The following GATA4 variants were observed in gnomAD, a reference collection of about 807,000 sequenced individuals.
The protein encoded by GATA4 is GATA binding protein 4, also known as transcription factor GATA-4.
A neutral mutation model predicts 37.9 loss-of-function variants in GATA4; 7 were observed. The observed-to-expected ratio is 0.18, with a 90% CI of 0.11 to 0.35. The LOEUF is 0.35. Ranked by LOEUF, GATA4 falls within the 10% of genes least tolerant of loss-of-function variation. The pLI, the probability that GATA4 is intolerant of heterozygous loss-of-function variation, is 1.00. For synonymous variants in GATA4, 372 were observed against 292.6 expected, an observed-to-expected ratio of 1.27 and a Z score of -2.77; for missense variants, 647 against 653.0, an observed-to-expected ratio of 0.99 and a Z score of 0.10.
chr8:11,758,466 C>T lies in GATA4; in HGVS notation c.1323C>T (p.Ile441=). The part of the protein sequence containing the change: ...LVLADSHGDI[I]TA ...TGGCCGACAGTCACGGGGACATAAT[C>T]ACTGCGTAATCTTCCCTCTTCCCTC... The change falls in exon 7 of 7, where the codon ATC becomes ATT. Residue 441 remains isoleucine (I), a synonymous_variant. Transcript: ENST00000532059. The T allele has an allele frequency of 1.9e-6, 3 of 1,614,196 alleles. No homozygotes were observed. The highest frequency in any genetic ancestry group is 1.7e-6 in the Non-Finnish European group (2 of 1,180,022).
At chr8:11,689,680 C>A (rs1025347045), upstream of GATA4, among the ~76,000 whole-genome samples, 8 of 152,174 alleles carry the variant, frequency 5.3e-5, no homozygotes, top group African/African-American at 1.9e-4. Context: ...CATCCTCAAG[C>A]CCTCACCCAC....
In GATA4 at chr8:11,707,963, C is replaced by T. The variant is rs1166002687; in HGVS notation, c.-350C>T. 5.8e-6 allele frequency: 2 copies of T among 346,004 alleles called. No individual in the cohort carries two copies. The highest frequency in any genetic ancestry group is 2.3e-5 in the South Asian group (1 of 42,750). The allele number at this position is 346,004 out of a possible 1,614,324, so 21.4% of individuals were successfully genotyped here. ...GTGACGAGTGGGGGACCCGAAGGCTCGTGCGCCACCTCCAGGCCTGGACGC... is the reference window on the plus strand; with the variant it reads ...GTGACGAGTGGGGGACCCGAAGGCTTGTGCGCCACCTCCAGGCCTGGACGC... On this transcript the variant is annotated 5_prime_UTR_variant, in exon 2 of 7. Transcript: ENST00000532059. This position sits in a 1 kb window ranked among gnomAD's most constrained non-coding sequence, Gnocchi z 4.7.
chr8:11,755,248 G>A, intron 5 of GATA4, 115 bp downstream of exon 5: 3 of 774,402 alleles, frequency 3.9e-6, no homozygotes, highest in Non-Finnish European at 6.7e-6. Context: ...GGTGGTGACA[G>A]CATCGGACAT....
At chr8:11,745,210 G>A (rs1321217641) in intron 2 of GATA4, among the ~76,000 whole-genome samples, 1 of 152,170 alleles carries the variant, frequency 6.6e-6, no homozygotes, top group Non-Finnish European at 1.5e-5. Context: ...TCTCAAGGCA[G>A]CCAGAGGTGA....
Position 11,698,093 on chromosome 8 carries a change from C to T in GATA4, c.-728-2415C>T, listed in dbSNP as rs549847975. 2.8e-4 allele frequency: 232 copies of T among 823,500 alleles called. 3 individuals carry two copies. The East Asian group carries it at 0.012, about 43-fold the overall frequency. 51.0% of individuals were successfully genotyped at this position (823,500 alleles called of 1,614,324 possible). A position where few individuals can be genotyped will look rare whatever the true frequency, so the allele number is the denominator to read the frequency against. On this transcript the variant is annotated intron_variant, in intron 1 of 2. Transcript: ENST00000526974. ...CCAGGCCCGGCCGCTTTCTGGCGTC[C>T]GTCCTCTCCCAGGAGGTCCTGGCCT...
intron 1 of GATA4, chr8:11,681,507 G>GCT: frequency 1.1e-6 from 1 of 944,330 alleles, no homozygotes; most frequent in African/African-American, 2.3e-5. Flanking sequence ...GGGGGGGGGG[G>GCT]GATGGGGTCG....
intron 4 of GATA4, among the ~76,000 whole-genome samples, chr8:11,754,759 T>C (rs963520764): frequency 2.0e-5 from 3 of 152,250 alleles, no homozygotes; most frequent in Admixed American, 2.0e-4. Context: ...TGGTTATTTC[T>C]CCTTGTCTGT....
In GATA4 at chr8:11,748,925, T is replaced by C. The variant is rs1255379844; in HGVS notation, c.626T>C (p.Phe209Ser). The C allele has an allele frequency of 1.2e-6, 2 of 1,614,150 alleles. No homozygotes were observed. Among genetic ancestry groups the C allele is most frequent in the Non-Finnish European group, 1.7e-6 (2 of 1,180,052 alleles). ...GTTCCCCCCAACTCAGTAGATATGT[T>C]TGACGACTTCTCAGAAGGCAGAGAG... ...AARHPNLVDMFDDFSEGRECV... is the reference protein window; with the variant it reads ...AARHPNLVDMSDDFSEGRECV... Residue 209 changes from phenylalanine (F) to serine (S), a missense_variant, in exon 3 of 7, where the codon TTT becomes TCT. By Grantham distance (155) the Phe-to-Ser change is radical (BLOSUM62 -2). Coordinates refer to ENST00000532059, the MANE Select transcript of GATA4 (RefSeq NM_001308093.3).
At chr8:11,747,505 T>C (rs554923485) in intron 2 of GATA4, among the ~76,000 whole-genome samples, 1 of 152,312 alleles carries the variant, frequency 6.6e-6, no homozygotes, top group Admixed American at 6.5e-5. Flanking sequence ...TTATTTTATA[T>C]ACCAATAAGC....
chr8:11,732,010 A>G (rs1243369440), intron 2 of GATA4, among the ~76,000 whole-genome samples: 2 of 152,198 alleles, frequency 1.3e-5, no homozygotes, highest in Non-Finnish European at 2.9e-5. Context: ...GGAGAAGGTT[A>G]TCCTTGGTGA....
At chr8:11,747,862 G>A (rs1024063164) in intron 2 of GATA4, among the ~76,000 whole-genome samples, 2 of 152,186 alleles carry the variant, frequency 1.3e-5, no homozygotes, top group African/African-American at 4.8e-5. Context: ...ATTTGTCATT[G>A]GGAAAATGTT....
intron 1 of GATA4, among the ~76,000 whole-genome samples, chr8:11,681,961 T>A (rs1451301324): frequency 5.3e-5 from 8 of 152,238 alleles, no homozygotes; most frequent in Non-Finnish European, 8.8e-5. Context: ...TTCGTTTTTA[T>A]TCATTCTGAT....
chr8:11,687,784 G>T (rs897636045), upstream of GATA4, among the ~76,000 whole-genome samples: 1 of 152,050 alleles, frequency 6.6e-6, no homozygotes, highest in Non-Finnish European at 1.5e-5. Context: ...GCTCTGACAG[G>T]TTTTATTGGG....
chr8:11,740,798 A>G (rs923468252), intron 2 of GATA4, among the ~76,000 whole-genome samples: 1 of 151,496 alleles, frequency 6.6e-6, no homozygotes, highest in Non-Finnish European at 1.5e-5. Flanking sequence ...CAGTGGCATG[A>G]TCACGGCTCA....
chr8:11,692,224 G>A (rs1799336791), upstream of GATA4, among the ~76,000 whole-genome samples: 1 of 152,320 alleles, frequency 6.6e-6, no homozygotes, highest in East Asian at 1.9e-4. Flanking sequence ...GAGGGAGGAA[G>A]GTGGAACTGG....
chr8:11,718,473 G>A (rs531073229), intron 2 of GATA4, among the ~76,000 whole-genome samples: 1 of 152,312 alleles, frequency 6.6e-6, no homozygotes, highest in South Asian at 2.1e-4. Context: ...AAAAGCCTCT[G>A]CAAGTAAAAT....
chr8:11,711,267 T>A (rs918620918), intron 2 of GATA4, among the ~76,000 whole-genome samples: 23 of 152,354 alleles, frequency 1.5e-4, no homozygotes, highest in Middle Eastern at 3.4e-3. Context: ...TGCCAAGAAC[T>A]GCCACCTGCC....
At chr8:11,699,466 T>C (rs1265776366), upstream of GATA4, among the ~76,000 whole-genome samples, 2 of 152,166 alleles carry the variant, frequency 1.3e-5, no homozygotes, top group East Asian at 3.9e-4. Context: ...GGAACCAGAC[T>C]CCCTATGTTC....
chr8:11,741,184 G>A (rs539529968), intron 2 of GATA4, among the ~76,000 whole-genome samples: 40 of 152,286 alleles, frequency 2.6e-4, no homozygotes, highest in Admixed American at 8.5e-4. Context: ...CTTGTTTCAA[G>A]AAAGTGCTTG....
Sources: gnomAD v4.1 joint callset for allele counts (sites outside exome capture counted in the v4.1 genomes callset) on GRCh38, gnomAD v4.1.1 for gene constraint, Gnocchi (gnomAD v3.1) non-coding constraint, MANE v1.5 for transcripts, NCBI Gene and HGNC (gene_info 2026-07-23, HGNC 2026-07-21) for gene names.